NDST2: variants seen among roughly 807,000 people sequenced by gnomAD.
The protein encoded by NDST2 is N-deacetylase and N-sulfotransferase 2.
A neutral mutation model predicts 86.9 loss-of-function variants in NDST2; 32 were observed. The ratio of observed to expected loss-of-function variants is 0.37; its 90% confidence interval spans 0.28 to 0.49. NDST2 has a LOEUF of 0.49. Among genes scored for constraint, NDST2 ranks in the 20% least tolerant of loss-of-function variants. The pLI is 0.97. For missense variants in NDST2, 950 were observed against 1,146.9 expected (o/e 0.83, Z 2.48); for synonymous variants, 409 against 437.0 (o/e 0.94, Z 0.80).
intron 2 of NDST2, among the ~76,000 whole-genome samples, chr10:73,809,883 C>T (rs1432780828): frequency 6.6e-6 from 1 of 152,168 alleles, no homozygotes; most frequent in African/African-American, 2.4e-5. Context: ...CAGCTTTGCA[C>T]CACCACACCC....
In NDST2 at chr10:73,803,664, A is replaced by G. The variant is rs1490435096; in HGVS notation, c.2052T>C (p.Val684=). Residue 684 remains valine (V), a synonymous_variant, in exon 11 of 15, where the codon GTT becomes GTC. Coordinates refer to ENST00000309979, the MANE Select transcript of NDST2 (RefSeq NM_003635.4). ...GGAGGGCAGCCCCCCGCCGTGGTAC[A>G]ACTTCAGAGTCAAAGTAGGTGGCAC... is the stretch of plus-strand genomic sequence containing the variant. ...EKSATYFDSE[V]VPRRGAALLP... 1 of 1,614,004 alleles carries G rather than the reference A, an allele frequency of 6.2e-7. No homozygotes were observed. Among genetic ancestry groups the G allele is most frequent in the Non-Finnish European group, 8.5e-7 (1 of 1,180,030 alleles).
At chr10:73,810,164 T>TA (rs1364153580) in intron 2 of NDST2, among the ~76,000 whole-genome samples, 1 of 152,044 alleles carries the variant, frequency 6.6e-6, no homozygotes, top group African/African-American at 2.4e-5. Flanking sequence ...AGAGATGATT[T>TA]AAAAACAGTT....
rs2132871649 is a variant in NDST2, at chr10:73,807,215, C to G, written c.1006-20G>C. 1.2e-6 allele frequency: 2 copies of G among 1,604,234 alleles called. No individual in the cohort carries two copies. The highest frequency in any genetic ancestry group is 1.7e-4 in the Middle Eastern group (1 of 6,052). ...CAGAGCCTGGGAAGAGTAGCAGGGA[C>G]AAGAGAAATCAGGAGAGCAGACTGA... On this transcript the variant is annotated intron_variant, in intron 3 of 14. Coordinates refer to ENST00000309979, the MANE Select transcript of NDST2 (RefSeq NM_003635.4).
chr10:73,802,714 C>T lies in NDST2; in HGVS notation c.2486G>A (p.Gly829Asp). The T allele has an allele frequency of 6.2e-7, 1 of 1,614,192 alleles. No individual in the cohort carries two copies. The highest frequency in any genetic ancestry group is 8.5e-7 in the Non-Finnish European group (1 of 1,180,038). The change falls in exon 14 of 15, where the codon GGC (glycine) becomes GAC (aspartate). Residue 829 changes from glycine to aspartate, a missense_variant. This residue lies in a region of NDST2 where 303 missense variants were observed against 323.7 expected (regional missense o/e 0.94). Transcript: ENST00000309979. ...GLEGGKTRCL[G>D]RSKGRRYPDM... ...TGGATACCTCCGGCCTTTGCTCCGG[C>T]CTAGACAGCGAGTCTTACCACCTTC... is the stretch of plus-strand genomic sequence containing the variant.
In NDST2 at chr10:73,805,599, G is replaced by C; in HGVS notation, c.1734C>G (p.Ser578Arg). The C allele has an allele frequency of 1.9e-6, 3 of 1,614,112 alleles. No individual in the cohort carries two copies. Among genetic ancestry groups the C allele is most frequent in the Non-Finnish European group, 2.5e-6 (3 of 1,180,026 alleles). The part of the protein sequence containing the change: ...KYFELFPQER[S>R]PLWQNPCDDK... ...GCTCCACCTTTACCTGCCAAAGGGG[G>C]CTTCGCTCCTGAGGGAAAAGTTCAA... Residue 578 changes from serine to arginine, a missense_variant, in exon 8 of 15, where the codon AGC becomes AGG. This residue lies in a region of NDST2 where 586 missense variants were observed against 714.0 expected (regional missense o/e 0.82). Coordinates refer to ENST00000309979, the MANE Select transcript of NDST2 (RefSeq NM_003635.4).
intron 9 of NDST2, 95 bp downstream of exon 9, chr10:73,804,678 C>A: frequency 1.5e-6 from 1 of 680,372 alleles, no homozygotes; most frequent in Non-Finnish European, 2.5e-6. Flanking sequence ...ACTTTTTTCA[C>A]TCCTGTGATT....
Position 73,809,815 on chromosome 10 carries a change from T to G in NDST2, c.-342+984A>C, listed in dbSNP as rs2084165174. ...TAGTGTGATCATAGCCTACTGCAGC[T>G]TCAAACTCCTGGGCTCAAGTGATCC... On this transcript the variant is annotated intron_variant, in intron 2 of 14. Coordinates refer to ENST00000309979, the MANE Select transcript of NDST2 (RefSeq NM_003635.4). 2.0e-5 allele frequency among the ~76,000 whole-genome samples: 3 copies of G among 152,142 alleles called. 1 individual carries two copies. The highest frequency in any genetic ancestry group is 7.2e-5 in the African/African-American group (3 of 41,440).
chr10:73,804,190 G>A, intron 9 of NDST2, 174 bp from the exon 10 acceptor site: 1 of 624,008 alleles, frequency 1.6e-6, no homozygotes, highest in Non-Finnish European at 2.7e-6. Flanking sequence ...GGCTAAAACA[G>A]TGGTTCTCTG....
At chr10:73,809,367 C>A (rs1406016577) in intron 2 of NDST2, among the ~76,000 whole-genome samples, 1 of 152,182 alleles carries the variant, frequency 6.6e-6, no homozygotes, top group Non-Finnish European at 1.5e-5. Flanking sequence ...GACTCCCTTA[C>A]CCGTTGCTTG....
At chr10:73,810,466 AT>A (rs1343396585) in intron 2 of NDST2, among the ~76,000 whole-genome samples, 2 of 151,910 alleles carry the variant, frequency 1.3e-5, no homozygotes, top group Middle Eastern at 3.2e-3. Flanking sequence ...TCAAAAAAAA[AT>A]AAAAATAAAA....
chr10:73,805,862 G>A (rs201130052), intron 7 of NDST2, 38 bp downstream of exon 7: 1 of 1,613,796 alleles, frequency 6.2e-7, no homozygotes, highest in African/African-American at 1.3e-5. Flanking sequence ...AAACACCTTG[G>A]CTCTCCAATC....
intron 4 of NDST2, 68 bp downstream of exon 4, chr10:73,807,040 C>A: frequency 6.7e-7 from 1 of 1,501,072 alleles, no homozygotes; most frequent in South Asian, 1.1e-5. Flanking sequence ...CTTGTCTGCC[C>A]AGGGAGGTGG....
chr10:73,807,689 G>A lies in NDST2; in HGVS notation c.700C>T (p.His234Tyr). 1.2e-6 allele frequency: 2 copies of A among 1,614,242 alleles called. No homozygotes were observed. Residue 234 changes from histidine (H) to tyrosine (Y), a missense_variant, in exon 3 of 15, where the codon CAT becomes TAT. Physicochemically the swap from His to Tyr is moderately conservative, Grantham distance 83. Coordinates refer to ENST00000309979, the MANE Select transcript of NDST2 (RefSeq NM_003635.4). ...GDDWTIFQSN[H>Y]STYEPVLLAS... ...AGAAGCACTGGTTCATATGTACTATGATTGGATTGGAAGATGGTCCAGTCA... is the reference window on the plus strand; with the variant it reads ...AGAAGCACTGGTTCATATGTACTATAATTGGATTGGAAGATGGTCCAGTCA...
Position 73,808,337 on chromosome 10 carries a change from G to C in NDST2, c.52C>G (p.Arg18Gly). 3 of 1,594,628 alleles carry C rather than the reference G, an allele frequency of 1.9e-6. No individual in the cohort carries two copies. The highest frequency in any genetic ancestry group is 2.6e-6 in the Non-Finnish European group (3 of 1,170,826). ...VRPARQLELH[R>G]LILLLIAFSL... ...AAAGCGATCAGCAGCAGTATGAGGCGGTGCAGTTCCAGCTGCCGAGCTGGG... is the reference window on the plus strand; with the variant it reads ...AAAGCGATCAGCAGCAGTATGAGGCCGTGCAGTTCCAGCTGCCGAGCTGGG... Residue 18 changes from arginine (R) to glycine (G), a missense_variant, in exon 3 of 15, where the codon CGC (arginine) becomes GGC (glycine). Coordinates refer to ENST00000309979, the MANE Select transcript of NDST2 (RefSeq NM_003635.4). The surrounding 1 kb of genome is among the most constrained non-coding windows in gnomAD (Gnocchi z 4.3).
At chr10:73,807,273 G>A in intron 3 of NDST2, 78 bp from the exon 4 acceptor site, 2 of 1,561,018 alleles carry the variant, frequency 1.3e-6, no homozygotes, top group Non-Finnish European at 1.8e-6. Context: ...CATTCTTCCT[G>A]CCTGGAAAGG....
At chr10:73,809,897 T>G (rs2084166566) in intron 2 of NDST2, among the ~76,000 whole-genome samples, 1 of 152,182 alleles carries the variant, frequency 6.6e-6, no homozygotes, top group South Asian at 2.1e-4. Context: ...CACACCCTAC[T>G]AATTTTTAAT....
At chr10:73,804,223 C>T (rs2132862481) in intron 9 of NDST2, 1 of 550,974 alleles carries the variant, frequency 1.8e-6, no homozygotes, top group East Asian at 3.2e-5. Context: ...ACCAGAATGA[C>T]TTGTGATCTT....
chr10:73,804,261 T>C (rs1052006730), intron 9 of NDST2, among the ~76,000 whole-genome samples: 1 of 152,186 alleles, frequency 6.6e-6, no homozygotes, highest in Non-Finnish European at 1.5e-5. Context: ...GATTCTGATA[T>C]ACAACCAGGG....
chr10:73,809,586 G>C (rs2084162379), intron 2 of NDST2, among the ~76,000 whole-genome samples: 1 of 152,140 alleles, frequency 6.6e-6, no homozygotes, highest in African/African-American at 2.4e-5. Context: ...AGAGACATGA[G>C]GTATTGAGTC....
Sources: gnomAD v4.1 joint callset for allele counts (sites outside exome capture counted in the v4.1 genomes callset) on GRCh38, gnomAD v4.1.1 for gene constraint, gnomAD v4.1.1 regional missense constraint, Gnocchi (gnomAD v3.1) non-coding constraint, MANE v1.5 for transcripts, NCBI Gene and HGNC (gene_info 2026-07-23, HGNC 2026-07-21) for gene names.